PGM5: variants seen among roughly 807,000 people sequenced by gnomAD.
The protein encoded by PGM5 is phosphoglucomutase-like protein 5.
In PGM5, 23 loss-of-function variants were observed where a neutral mutation model predicts 59.2. That is an observed-to-expected ratio of 0.39 (90% CI 0.28 to 0.55). The LOEUF (loss-of-function observed/expected upper bound fraction) is 0.55. PGM5 is among the 20% of genes least tolerant of loss of function. The pLI is 0.66. For synonymous variants in PGM5, 214 were observed against 286.0 expected, an observed-to-expected ratio of 0.75 and a Z score of 2.54; for missense variants, 574 against 748.3, an observed-to-expected ratio of 0.77 and a Z score of 2.72.
At chr9:68,435,172 T>C (rs1207049402) in intron 6 of PGM5, among the ~76,000 whole-genome samples, 1 of 152,210 alleles carries the variant, frequency 6.6e-6, no homozygotes, top group African/African-American at 2.4e-5. Flanking sequence ...TTATTCTTTA[T>C]CTCAGTCTCT....
chr9:68,374,720 A>G (rs538231599), intron 1 of PGM5, among the ~76,000 whole-genome samples: 27 of 152,216 alleles, frequency 1.8e-4, no homozygotes, highest in Non-Finnish European at 3.7e-4. Context: ...GCCGTTCATC[A>G]TTCATTTATT....
chr9:68,446,715 C>T (rs797029205), intron 6 of PGM5, among the ~76,000 whole-genome samples: 1 of 152,170 alleles, frequency 6.6e-6, no homozygotes, highest in South Asian at 2.1e-4. Context: ...TATACTTTGG[C>T]TTCATGAAAT....
chr9:68,404,657 C>A (rs11141466), intron 6 of PGM5, among the ~76,000 whole-genome samples: 1 of 152,116 alleles, frequency 6.6e-6, no homozygotes, highest in African/African-American at 2.4e-5. Context: ...CAGGTTGCTG[C>A]CTGACGATTA....
At chr9:68,446,031 T>C (rs1823606077) in intron 6 of PGM5, among the ~76,000 whole-genome samples, 1 of 152,230 alleles carries the variant, frequency 6.6e-6, no homozygotes, top group East Asian at 1.9e-4. Context: ...TGTATGATGC[T>C]CCATTAAAAT....
At chr9:68,510,430 C>T (rs1824731216) in intron 10 of PGM5, among the ~76,000 whole-genome samples, 1 of 152,130 alleles carries the variant, frequency 6.6e-6, no homozygotes, top group South Asian at 2.1e-4. Flanking sequence ...GGATTACAGG[C>T]TTGAGCCACC....
intron 6 of PGM5, among the ~76,000 whole-genome samples, chr9:68,395,534 G>A (rs1485291434): frequency 6.6e-6 from 1 of 152,084 alleles, no homozygotes. Flanking sequence ...CATTTGGGGA[G>A]AATAGTATTT....
chr9:68,366,492 AT>A (rs1834681423), intron 1 of PGM5, among the ~76,000 whole-genome samples: 1 of 152,136 alleles, frequency 6.6e-6, no homozygotes, highest in Non-Finnish European at 1.5e-5. Context: ...AGAAAATAGG[AT>A]TGAAAGGACA....
chr9:68,517,676 T>C (rs1246167713), intron 10 of PGM5, among the ~76,000 whole-genome samples: 1 of 152,218 alleles, frequency 6.6e-6, no homozygotes, highest in African/African-American at 2.4e-5. Context: ...TATCTGGACT[T>C]TCAAATGAAA....
intron 6 of PGM5, among the ~76,000 whole-genome samples, chr9:68,442,052 G>GA (rs1343068156): frequency 6.6e-6 from 1 of 151,878 alleles, no homozygotes; most frequent in Non-Finnish European, 1.5e-5. Flanking sequence ...AAACATTAAT[G>GA]AAAAAAAGTC....
In PGM5 at chr9:68,481,886, G is replaced by A. The variant is rs372475384; in HGVS notation, c.1296-1979G>A. On this transcript the variant is annotated intron_variant, in intron 8 of 10. Transcript: ENST00000396396. ...TCAACCCCCAGCAAATGGCAAATTA[G>A]AAGGTGCTTGTGAAATGTAATTATT... 1.3e-3 allele frequency among the ~76,000 whole-genome samples: 192 copies of A among 152,292 alleles called. 1 individual carries two copies. The highest frequency in any genetic ancestry group is 4.5e-3 in the African/African-American group (187 of 41,542).
intron 6 of PGM5, among the ~76,000 whole-genome samples, chr9:68,415,060 C>G (rs1252631987): frequency 1.3e-5 from 2 of 149,172 alleles, no homozygotes; most frequent in South Asian, 2.1e-4. Flanking sequence ...ATGTTATGTG[C>G]TGGGACCTCA....
intron 6 of PGM5, among the ~76,000 whole-genome samples, chr9:68,427,695 G>A (rs1823261364): frequency 2.0e-5 from 3 of 152,194 alleles, no homozygotes; most frequent in Admixed American, 2.0e-4. Context: ...TTCTGCAAGG[G>A]GATGTAGAAA....
chr9:68,487,782 C>T, intron 9 of PGM5, among the ~76,000 whole-genome samples: 1 of 152,168 alleles, frequency 6.6e-6, no homozygotes, highest in East Asian at 1.9e-4. Flanking sequence ...CAGCTTTCTG[C>T]TCCAGAGCAC....
chr9:68,457,271 A>G (rs192466872), intron 6 of PGM5, among the ~76,000 whole-genome samples: 28 of 152,288 alleles, frequency 1.8e-4, no homozygotes, highest in African/African-American at 4.1e-4. Context: ...TATTCTGCCC[A>G]TTCTTTATTC....
At chr9:68,465,244 G>T in intron 7 of PGM5, 36 bp downstream of exon 7, 1 of 1,343,270 alleles carries the variant, frequency 7.4e-7, no homozygotes, top group Non-Finnish European at 1.1e-6. Flanking sequence ...TGGGGAGGGC[G>T]GCTGCAGCCT....
chr9:68,422,986 A>G lies in PGM5; in HGVS notation c.1043+30513A>G, dbSNP rs549770041. 2.6e-5 allele frequency among the ~76,000 whole-genome samples: 4 copies of G among 152,282 alleles called. No homozygotes were observed. The South Asian group carries it at 8.3e-4, about 32-fold the overall frequency. On this transcript the variant is annotated intron_variant, in intron 6 of 10. Coordinates refer to ENST00000396396, the MANE Select transcript of PGM5 (RefSeq NM_021965.4). ...GAGAATATACCATGTTTGGTTTCCC[A>G]TTCCTGAATTACTTCACTTAGAGTA...
At chr9:68,409,738 G>T (rs1451474730) in intron 6 of PGM5, among the ~76,000 whole-genome samples, 13 of 109,718 alleles carry the variant, frequency 1.2e-4, no homozygotes, top group African/African-American at 4.1e-4. Context: ...GGTGGGGGGA[G>T]GGGGGAGGGA....
intron 6 of PGM5, among the ~76,000 whole-genome samples, chr9:68,422,190 C>T (rs78166773): frequency 0.038 from 5,820 of 152,104 alleles, 137 homozygotes; most frequent in East Asian, 0.088. Flanking sequence ...GGAACAATCT[C>T]AACAATAAAA....
At chr9:68,410,312 C>A (rs1308174725) in intron 6 of PGM5, among the ~76,000 whole-genome samples, 3 of 152,170 alleles carry the variant, frequency 2.0e-5, no homozygotes, top group Non-Finnish European at 4.4e-5. Context: ...TGGCCACGAG[C>A]ATGGCTAAAA....
Sources: gnomAD v4.1 joint callset for allele counts (sites outside exome capture counted in the v4.1 genomes callset) on GRCh38, gnomAD v4.1.1 for gene constraint, MANE v1.5 for transcripts, NCBI Gene and HGNC (gene_info 2026-07-23, HGNC 2026-07-21) for gene names.